The following MMD2 variants were observed in gnomAD, a reference collection of about 807,000 sequenced individuals.
MMD2 encodes the protein monocyte to macrophage differentiation associated 2.
In MMD2, 30 loss-of-function variants were observed where a neutral mutation model predicts 33.5. That is an observed-to-expected ratio of 0.90 (90% CI 0.67 to 1.22). MMD2 has a LOEUF of 1.22. Among genes scored for constraint, MMD2 ranks in the 50% most tolerant of loss-of-function variants. The pLI, the probability that MMD2 is intolerant of heterozygous loss-of-function variation, is 0.00. For missense variants in MMD2, 364 were observed against 325.4 expected, an observed-to-expected ratio of 1.12 and a Z score of -0.91; for synonymous variants, 129 against 123.0, an observed-to-expected ratio of 1.05 and a Z score of -0.32.
At position 4,946,797 on chromosome 7, in the gene MMD2, TC is replaced by T. The variant is rs1478721147; in HGVS notation, c.47+12173del. ...CCCAAGCTGGAGTGCAGTGGTGCAATCATAGCTCACTGCAGCCTCGAATTCC... is the reference window on the plus strand; with the variant it reads ...CCCAAGCTGGAGTGCAGTGGTGCAATATAGCTCACTGCAGCCTCGAATTCC... On this transcript the variant is annotated intron_variant, in intron 1 of 6. Coordinates refer to ENST00000401401, the MANE Select transcript of MMD2 (RefSeq NM_198403.4). This position sits in a 1 kb window ranked among gnomAD's most constrained non-coding sequence, Gnocchi z 5.0. Among the ~76,000 whole-genome samples the T allele has an allele frequency of 3.9e-5, 6 of 152,108 alleles. No individual in the cohort carries two copies. The highest frequency in any genetic ancestry group is 8.8e-5 in the Non-Finnish European group (6 of 68,018).
At chr7:4,938,997 CG>C (rs1785827720) in intron 1 of MMD2, among the ~76,000 whole-genome samples, 1 of 151,348 alleles carries the variant, frequency 6.6e-6, no homozygotes, top group African/African-American at 2.4e-5. Flanking sequence ...TACCTGAGGT[CG>C]GGAGTTGGAG....
At chr7:4,917,984 A>G (rs1785182860) in intron 3 of MMD2, among the ~76,000 whole-genome samples, 1 of 152,166 alleles carries the variant, frequency 6.6e-6, no homozygotes, top group South Asian at 2.1e-4. Context: ...GCCTTGTTCT[A>G]TTAAGTCGCT....
At chr7:4,898,954 C>CAAGCTAGGAAGGAAGG in the MMD2 span, among the ~76,000 whole-genome samples, 29 of 151,450 alleles carry the variant, frequency 1.9e-4, no homozygotes, top group African/African-American at 5.8e-4. Context: ...AGCAAGCAAG[C>CAAGCTAGGAAGGAAGG]AAGCTAGGAA....
chr7:4,922,914 A>G (rs1785323854), intron 2 of MMD2, among the ~76,000 whole-genome samples: 1 of 152,284 alleles, frequency 6.6e-6, no homozygotes. Context: ...CTGAGGGAGC[A>G]TCCAACAAAT....
At chr7:4,909,605 A>G (rs1183449228) in intron 6 of MMD2, 2 of 628,140 alleles carry the variant, frequency 3.2e-6, no homozygotes, top group Non-Finnish European at 2.9e-6. Context: ...ACATCTGGCT[A>G]ATTTTTTTTT....
chr7:4,947,654 A>T (rs1266245241), intron 1 of MMD2, among the ~76,000 whole-genome samples: 1 of 145,430 alleles, frequency 6.9e-6, no homozygotes, highest in Non-Finnish European at 1.5e-5. Flanking sequence ...CAGCCTCCCA[A>T]AGTGTTGTGA....
intron 4 of MMD2, among the ~76,000 whole-genome samples, chr7:4,911,474 T>G (rs1193807313): frequency 1.3e-5 from 2 of 152,152 alleles, no homozygotes; most frequent in Non-Finnish European, 2.9e-5. Context: ...ATTGATAATA[T>G]CTAGAAGAAA....
intron 2 of MMD2, among the ~76,000 whole-genome samples, chr7:4,924,439 G>C (rs975440261): frequency 2.6e-5 from 4 of 152,260 alleles, no homozygotes; most frequent in African/African-American, 9.6e-5. Flanking sequence ...GGTGTGCTGA[G>C]ATGTCCTGAG....
chr7:4,900,786 G>A, the MMD2 span, among the ~76,000 whole-genome samples: 7 of 151,934 alleles, frequency 4.6e-5, no homozygotes, highest in East Asian at 3.9e-4. Context: ...TCCTCCTGCC[G>A]CCTCCTCTCC....
At chr7:4,921,669 G>C (rs999062793) in intron 2 of MMD2, among the ~76,000 whole-genome samples, 2 of 149,618 alleles carry the variant, frequency 1.3e-5, no homozygotes, top group Non-Finnish European at 3.0e-5. Context: ...AGCCCCTACC[G>C]TGTGCATCCT....
At chr7:4,897,053 T>C in the MMD2 span, among the ~76,000 whole-genome samples, 1 of 151,436 alleles carries the variant, frequency 6.6e-6, no homozygotes, top group African/African-American at 2.4e-5. Flanking sequence ...AGAGACGGGG[T>C]TTCGCCATGT....
chr7:4,916,027 T>G lies in MMD2; in HGVS notation c.343A>C (p.Ile115Leu). 6.2e-7 allele frequency: 1 copy of G among 1,613,878 alleles called. No individual in the cohort carries two copies. Among genetic ancestry groups the G allele is most frequent in the East Asian group, 2.2e-5 (1 of 44,862 alleles). Residue 115 changes from isoleucine to leucine, a missense_variant, in exon 4 of 7, where the codon ATA (isoleucine) becomes CTA (leucine). Physicochemically the swap from Ile to Leu is conservative, Grantham distance 5. Transcript: ENST00000401401. ...CACCAGGGTGCGTAGGAAGCCGCTA[T>G]GAAGAAATAGATGACCATCCGGTCG... ...MFDRMVIYFF[I>L]AASYAPWLNL... is the part of the protein sequence containing the mutation.
chr7:4,953,868 C>T (rs1425857633), intron 1 of MMD2, among the ~76,000 whole-genome samples: 3 of 151,796 alleles, frequency 2.0e-5, no homozygotes, highest in East Asian at 1.9e-4. Flanking sequence ...TGCCTTTTAT[C>T]GTATTTTTTG....
At chr7:4,912,889 A>G (rs1257713620) in intron 4 of MMD2, among the ~76,000 whole-genome samples, 1 of 152,028 alleles carries the variant, frequency 6.6e-6, no homozygotes, top group Admixed American at 6.6e-5. Flanking sequence ...TTTGTAGTAG[A>G]GATGGGGTTT....
chr7:4,926,573 C>G (rs1408730220), intron 1 of MMD2, among the ~76,000 whole-genome samples: 2 of 152,040 alleles, frequency 1.3e-5, no homozygotes, highest in Non-Finnish European at 2.9e-5. Flanking sequence ...TACCTCTTCC[C>G]AGGGAAACCA....
chr7:4,932,054 G>T (rs73321927), intron 1 of MMD2, among the ~76,000 whole-genome samples: 2 of 152,190 alleles, frequency 1.3e-5, no homozygotes, highest in Non-Finnish European at 2.9e-5. Flanking sequence ...CAGGCCTGCA[G>T]CCCTGGCTTC....
At chr7:4,951,099 C>T (rs912330039) in intron 1 of MMD2, among the ~76,000 whole-genome samples, 1 of 152,044 alleles carries the variant, frequency 6.6e-6, no homozygotes, top group Admixed American at 6.6e-5. Flanking sequence ...AGGCAACTCC[C>T]ACAGTCCAGG....
At chr7:4,910,909 G>T (rs1784988104) in intron 5 of MMD2, among the ~76,000 whole-genome samples, 1 of 152,146 alleles carries the variant, frequency 6.6e-6, no homozygotes, top group Non-Finnish European at 1.5e-5. Flanking sequence ...CAAAGTGCTG[G>T]GATTACAGAT....
intron 1 of MMD2, among the ~76,000 whole-genome samples, chr7:4,937,986 C>CT (rs1583388976): frequency 3.1e-5 from 3 of 96,158 alleles, no homozygotes; most frequent in East Asian, 3.0e-4. Context: ...TTTTTTTTTT[C>CT]TTTTTTTCTT....
Sources: allele counts gnomAD v4.1 joint callset (sites outside exome capture counted in the v4.1 genomes callset), GRCh38; gene constraint gnomAD v4.1.1; non-coding constraint Gnocchi (gnomAD v3.1); transcripts MANE v1.5; gene names NCBI Gene and HGNC (gene_info 2026-07-23, HGNC 2026-07-21).